Variants in DCDC1 observed in about 807,000 individuals in gnomAD.
DCDC1 encodes the protein doublecortin domain-containing protein 1.
In DCDC1, 200 loss-of-function variants were observed where a neutral mutation model predicts 178.3. The ratio of observed to expected loss-of-function variants is 1.12; its 90% CI spans 1.00 to 1.26. The LOEUF (loss-of-function observed/expected upper bound fraction) is 1.26. DCDC1 is among the 50% of genes most tolerant of loss of function. The probability of loss-of-function intolerance (pLI) is 0.00; values close to 1 mark genes in which losing one functional copy is unlikely to be tolerated. For synonymous variants in DCDC1, 690 were observed against 604.8 expected (o/e 1.14, Z -2.07); for missense variants, 1,983 against 1,749.2 (o/e 1.13, Z -2.38).
intron 7 of DCDC1, chr11:31,281,050 T>C: frequency 2.1e-6 from 1 of 487,100 alleles, no homozygotes; most frequent in South Asian, 1.7e-5. Flanking sequence ...CCCATTCTCC[T>C]TAAATTTCAC....
Position 30,899,646 on chromosome 11 carries a change from G to C in DCDC1, c.4664-4C>G. On this transcript the variant is annotated splice_region_variant and splice_polypyrimidine_tract_variant and intron_variant, in intron 33 of 38. Coordinates refer to ENST00000684477, the MANE Select transcript of DCDC1 (RefSeq NM_001387274.1). ...AATTTTTCTGCTTTCTGCAAAGCTA[G>C]AATAATAAAAATACAAGATATTTTA... is the stretch of plus-strand genomic sequence containing the variant. 6.6e-7 allele frequency: 1 copy of C among 1,521,600 alleles called. No homozygotes were observed. Among genetic ancestry groups the C allele is most frequent in the Non-Finnish European group, 8.8e-7 (1 of 1,134,740 alleles). The allele number at this position is 1,521,600 out of a possible 1,614,324, so 94.3% of individuals were successfully genotyped here. A position where few individuals can be genotyped will look rare whatever the true frequency, so the allele number is the denominator to read the frequency against.
At chr11:31,082,740 C>A (rs188527896) in intron 17 of DCDC1, among the ~76,000 whole-genome samples, 95 of 152,124 alleles carry the variant, frequency 6.2e-4, no homozygotes, top group Admixed American at 3.1e-3. Context: ...TACACTCACA[C>A]ATTCATCATT....
intron 20 of DCDC1, among the ~76,000 whole-genome samples, chr11:31,048,892 T>C (rs1389258052): frequency 2.6e-5 from 4 of 152,148 alleles, no homozygotes; most frequent in Admixed American, 6.5e-5. Flanking sequence ...TGTATTAAAA[T>C]AGATACACTG....
Position 31,302,980 on chromosome 11 carries a change from T to C in DCDC1, c.754+2635A>G, listed in dbSNP as rs146568230. The stretch of plus-strand genomic sequence containing the variant: ...AATAAGATCCATTTGATTTATGTTG[T>C]AAAATAGTATTCTCAGTTTGAAGGA... On this transcript the variant is annotated intron_variant, in intron 6 of 38. Coordinates refer to ENST00000684477, the MANE Select transcript of DCDC1 (RefSeq NM_001387274.1). Among the ~76,000 whole-genome samples the C allele has an allele frequency of 2.9e-3, 449 of 152,342 alleles. 2 individuals carry two copies. The highest frequency in any genetic ancestry group is 1.0e-2 in the African/African-American group (414 of 41,580).
intron 9 of DCDC1, among the ~76,000 whole-genome samples, chr11:31,239,037 A>T (rs1236710604): frequency 6.6e-6 from 1 of 152,096 alleles, no homozygotes; most frequent in African/African-American, 2.4e-5. Flanking sequence ...GGAATGACAA[A>T]ATTTAAAGCT....
chr11:31,310,405 G>C (rs1417311504), intron 3 of DCDC1, among the ~76,000 whole-genome samples: 2 of 131,536 alleles, frequency 1.5e-5, no homozygotes, highest in Non-Finnish European at 3.1e-5. Context: ...TGCAACATCT[G>C]CCTCCCAGGT....
intron 20 of DCDC1, among the ~76,000 whole-genome samples, chr11:30,994,664 T>A (rs1158956444): frequency 6.9e-6 from 1 of 145,392 alleles, no homozygotes; most frequent in Non-Finnish European, 1.5e-5. Context: ...CATATTATTA[T>A]ATAATATATA....
At chr11:31,207,155 T>G (rs1010941458) in intron 9 of DCDC1, among the ~76,000 whole-genome samples, 3 of 152,150 alleles carry the variant, frequency 2.0e-5, no homozygotes, top group Non-Finnish European at 2.9e-5. Flanking sequence ...GAGATAATAA[T>G]AGAACCTGTA....
rs538277057 is a variant in DCDC1, at chr11:31,348,574, C to A, written c.-124-13010G>T. Among the ~76,000 whole-genome samples the A allele has an allele frequency of 8.5e-5, 13 of 152,270 alleles. 1 individual carries two copies. The South Asian group carries it at 2.7e-3, about 32-fold the overall frequency. On this transcript the variant is annotated intron_variant, in intron 1 of 38. Transcript: ENST00000684477. ...AACATGCCCTCACCTATTTAATTGC[C>A]AGTTACCTCCACCAATGCTGAAACG... is the stretch of plus-strand genomic sequence containing the variant.
chr11:31,099,696 G>A (rs1958377507), intron 15 of DCDC1, among the ~76,000 whole-genome samples: 1 of 151,014 alleles, frequency 6.6e-6, no homozygotes, highest in African/African-American at 2.4e-5. Flanking sequence ...ATGATGGGCA[G>A]GGTTTTTTTG....
At chr11:30,977,285 G>T (rs1425341810) in intron 20 of DCDC1, among the ~76,000 whole-genome samples, 1 of 152,152 alleles carries the variant, frequency 6.6e-6, no homozygotes, top group Non-Finnish European at 1.5e-5. Context: ...GGTAACTATA[G>T]TTAGCAACAA....
chr11:31,067,037 A>G lies in DCDC1; in HGVS notation c.2299-1884T>C, dbSNP rs1210759983. 7.9e-5 allele frequency among the ~76,000 whole-genome samples: 12 copies of G among 152,196 alleles called. No individual in the cohort carries two copies. In the South Asian group the frequency reaches 8.3e-4, roughly 10 times the overall value. ...AAAAGTGCTCTAAAAAGTAAAGTCTATTATTTTAAGGTAAGGGGCTCCACC... is the reference window on the plus strand; with the variant it reads ...AAAAGTGCTCTAAAAAGTAAAGTCTGTTATTTTAAGGTAAGGGGCTCCACC... On this transcript the variant is annotated intron_variant, in intron 18 of 38. Transcript: ENST00000684477.
At position 31,334,428 on chromosome 11, in the gene DCDC1, G is replaced by A. The variant is rs1167601444; in HGVS notation, c.-7+1019C>T. On this transcript the variant is annotated intron_variant, in intron 2 of 38. Coordinates refer to ENST00000684477, the MANE Select transcript of DCDC1 (RefSeq NM_001387274.1). ...CATCCAGCTTTGTTCCATTGCTGGC[G>A]AGGAGCTGCGATGCTTTGGAGGAGA... Among the ~76,000 whole-genome samples the A allele has an allele frequency of 3.3e-5, 5 of 152,280 alleles. No homozygotes were observed. The South Asian group carries it at 8.3e-4, about 25-fold the overall frequency.
chr11:31,221,864 C>A (rs1974315910), intron 9 of DCDC1, among the ~76,000 whole-genome samples: 1 of 152,144 alleles, frequency 6.6e-6, no homozygotes, highest in Non-Finnish European at 1.5e-5. Flanking sequence ...CAATTCATCT[C>A]TCTCCTTTCA....
intron 9 of DCDC1, among the ~76,000 whole-genome samples, chr11:31,199,876 T>C (rs907757035): frequency 1.6e-4 from 24 of 152,244 alleles, no homozygotes; most frequent in African/African-American, 5.3e-4. Context: ...TAATTCAATG[T>C]TTTTTCATCA....
chr11:31,221,573 A>G (rs1349854185), intron 9 of DCDC1, among the ~76,000 whole-genome samples: 1 of 152,196 alleles, frequency 6.6e-6, no homozygotes, highest in Admixed American at 6.5e-5. Flanking sequence ...GATAAAAGGC[A>G]GGATATCTGA....
intron 20 of DCDC1, among the ~76,000 whole-genome samples, chr11:31,050,418 A>C (rs1407790889): frequency 6.6e-6 from 1 of 152,124 alleles, no homozygotes; most frequent in Non-Finnish European, 1.5e-5. Context: ...TTCCCTATCA[A>C]CCCTGATAGT....
At chr11:30,935,962 C>G (rs901872625) in intron 21 of DCDC1, among the ~76,000 whole-genome samples, 4 of 152,142 alleles carry the variant, frequency 2.6e-5, no homozygotes, top group Non-Finnish European at 5.9e-5. Context: ...AGTCCCTTGA[C>G]TGGAGTATAG....
intron 21 of DCDC1, among the ~76,000 whole-genome samples, chr11:30,939,890 C>T (rs1178658698): frequency 2.0e-5 from 3 of 152,164 alleles, no homozygotes; most frequent in African/African-American, 7.2e-5. Context: ...ACTATTAGAT[C>T]ATGAAATTAT....
Sources: gnomAD v4.1 joint callset for allele counts (sites outside exome capture counted in the v4.1 genomes callset) on GRCh38, gnomAD v4.1.1 for gene constraint, MANE v1.5 for transcripts, NCBI Gene and HGNC (gene_info 2026-07-23, HGNC 2026-07-21) for gene names.